The following USP19 variants were observed in gnomAD, a reference collection of about 807,000 sequenced individuals.
USP19 encodes ubiquitin carboxyl-terminal hydrolase 19.
USP19 carries 40 observed loss-of-function variants against 144.8 expected under a neutral mutation model. The observed-to-expected ratio is 0.28, with a 90% confidence interval of 0.21 to 0.36. USP19 has a LOEUF of 0.36. Ranked by LOEUF, USP19 falls within the 10% of genes least tolerant of loss-of-function variation. The pLI is 1.00. For synonymous variants in USP19, 701 were observed against 709.3 expected (o/e 0.99, Z 0.19); for missense variants, 1,518 against 1,822.5 (o/e 0.83, Z 3.04).
intron 2 of USP19, 71 bp from the exon 3 acceptor site, chr3:49,118,191 G>C (rs2044508598): frequency 3.2e-6 from 2 of 623,678 alleles, no homozygotes; most frequent in Admixed American, 3.0e-5. Flanking sequence ...CTTGAGCCCA[G>C]GACTTTGAGG....
rs2107281174 is a variant in USP19 at position 49,111,250 on chromosome 3, G to A, written c.3328+5C>T. 2 of 1,614,150 alleles carry A rather than the reference G, an allele frequency of 1.2e-6. No individual in the cohort carries two copies. The highest frequency in any genetic ancestry group is 1.7e-6 in the Non-Finnish European group (2 of 1,180,020). ...CCCATGGCTCCCACCCACAGCCTCA[G>A]ACACCTTTGTCCTCTAGCCGCTGCT... On this transcript the variant is annotated splice_donor_5th_base_variant and intron_variant, in intron 22 of 26. Coordinates refer to ENST00000417901, the MANE Select transcript of USP19 (RefSeq NM_001199161.2). This position sits in a 1 kb window ranked among gnomAD's most constrained non-coding sequence, Gnocchi z 5.9.
At chr3:49,109,253 A>T in intron 26 of USP19, 2 of 1,439,744 alleles carry the variant, frequency 1.4e-6, no homozygotes, top group Non-Finnish European at 9.2e-7. Context: ...TGAGACCCTT[A>T]GCCATGACAG....
chr3:49,109,588 A>G (rs1388796512), intron 26 of USP19, among the ~76,000 whole-genome samples: 1 of 152,178 alleles, frequency 6.6e-6, no homozygotes, highest in African/African-American at 2.4e-5. Context: ...GGATTTCTCT[A>G]AGCTTGACAG....
chr3:49,110,266 G>A lies in USP19; in HGVS notation c.3956C>T (p.Ser1319Phe), dbSNP rs1331977473. 1 of 1,605,484 alleles carries A rather than the reference G, an allele frequency of 6.2e-7. No homozygotes were observed. The highest frequency in any genetic ancestry group is 1.1e-5 in the South Asian group (1 of 90,048). ...AYVLFYRRRN[S>F]PVERPPRAGH... ...TGCCCTGGGGGGCCTCTCCACAGGA[G>A]AGTTCCGCCGGCGGTAGAAGAGTAC... The change falls in exon 26 of 27, where the codon TCT (serine) becomes TTT (phenylalanine). Residue 1319 changes from serine to phenylalanine, a missense_variant. Around this residue, in one of 5 missense-constraint regions of USP19, gnomAD observed 118 missense variants for 100.2 expected, o/e 1.18. Coordinates refer to ENST00000417901, the MANE Select transcript of USP19 (RefSeq NM_001199161.2). This position sits in a 1 kb window ranked among gnomAD's most constrained non-coding sequence, Gnocchi z 6.1.
chr3:49,112,264 G>T lies in USP19; in HGVS notation c.2765+20C>A. ...TGGAAGGTGGAAAGAAAGGGTAGGG[G>T]AGACCATGGGGGTCCTCACTGGTTG... On this transcript the variant is annotated intron_variant, in intron 19 of 26. Coordinates refer to ENST00000417901, the MANE Select transcript of USP19 (RefSeq NM_001199161.2). The surrounding 1 kb of genome is among the most constrained non-coding windows in gnomAD (Gnocchi z 4.9). 1 of 1,593,064 alleles carries T rather than the reference G, an allele frequency of 6.3e-7. No individual in the cohort carries two copies. Among genetic ancestry groups the T allele is most frequent in the African/African-American group, 1.3e-5 (1 of 74,498 alleles).
chr3:49,118,923 G>C, intron 2 of USP19, 99 bp downstream of exon 2: 1 of 1,558,342 alleles, frequency 6.4e-7, no homozygotes, highest in African/African-American at 1.4e-5. Context: ...AACCAGGACA[G>C]AGAGAAGAAC....
In USP19 at chr3:49,116,066, C is replaced by T. The variant is rs771348918; in HGVS notation, c.1452G>A (p.Leu484=). 1 of 1,603,074 alleles carries T rather than the reference C, an allele frequency of 6.2e-7. No individual in the cohort carries two copies. Among genetic ancestry groups the T allele is most frequent in the Non-Finnish European group, 8.5e-7 (1 of 1,177,238 alleles). Reference sequence around the variant, plus strand: ...GCAGACCTCGTGCAGCCGGGGCCTCCAGGCCCCCCCAGCGCTGACTCTGCC... The same window carrying T: ...GCAGACCTCGTGCAGCCGGGGCCTCTAGGCCCCCCCAGCGCTGACTCTGCC... ...RKRQSQRWGG[L]EAPAARGAVG... The change falls in exon 10 of 27, where the codon CTG becomes CTA. Residue 484 remains leucine, a synonymous_variant. Coordinates refer to ENST00000417901, the MANE Select transcript of USP19 (RefSeq NM_001199161.2). This position sits in a 1 kb window ranked among gnomAD's most constrained non-coding sequence, Gnocchi z 5.0.
In USP19 at chr3:49,117,548, G is replaced by A. The variant is rs1481295335; in HGVS notation, c.495C>T (p.Val165=). Residue 165 remains valine (V), a synonymous_variant, in exon 5 of 27, where the codon GTC becomes GTT. Transcript: ENST00000417901. This position sits in a 1 kb window ranked among gnomAD's most constrained non-coding sequence, Gnocchi z 4.4. ...RFAGGQQWGG[V]FYAEIKSSCA... is the part of the protein sequence containing the mutation. The stretch of plus-strand genomic sequence containing the variant: ...AAGAGCTTTTTATCTCAGCATAGAA[G>A]ACACCACCCCACTGCTGACCACCTG... The A allele has an allele frequency of 6.2e-7, 1 of 1,614,004 alleles. No individual in the cohort carries two copies. The highest frequency in any genetic ancestry group is 8.5e-7 in the Non-Finnish European group (1 of 1,180,042).
At position 49,116,948 on chromosome 3, in the gene USP19, T is replaced by A. The variant is rs1374559405; in HGVS notation, c.910-5A>T. The stretch of plus-strand genomic sequence containing the variant: ...AAGCTGTTCATCAGCCTCAACCTAT[T>A]AATGGCAAGATTGTGGAAAGAATCA... On this transcript the variant is annotated splice_polypyrimidine_tract_variant and splice_region_variant and intron_variant, in intron 6 of 26. Transcript: ENST00000417901. This position sits in a 1 kb window ranked among gnomAD's most constrained non-coding sequence, Gnocchi z 5.0. The A allele has an allele frequency of 1.9e-6, 3 of 1,612,676 alleles. No individual in the cohort carries two copies. Among genetic ancestry groups the A allele is most frequent in the Non-Finnish European group, 2.5e-6 (3 of 1,179,348 alleles).
chr3:49,111,115 C>T lies in USP19; in HGVS notation c.3380G>A (p.Arg1127Gln), dbSNP rs757201117. The change falls in exon 23 of 27, where the codon CGG becomes CAG. Residue 1127 changes from arginine (R) to glutamine (Q), a missense_variant. Around this residue, in one of 5 missense-constraint regions of USP19, gnomAD observed 413 missense variants for 515.8 expected, o/e 0.80. Transcript: ENST00000417901. The surrounding 1 kb of genome is among the most constrained non-coding windows in gnomAD (Gnocchi z 5.9). ...AAACTCCTGCAAGCGCTCATTGTTC[C>T]GCCAGACGAGAGCCAGGCTACAGTC... is the stretch of plus-strand genomic sequence containing the variant. ...GDDCSLALVW[R>Q]NNERLQEFVL... 25 of 1,613,720 alleles carry T rather than the reference C, an allele frequency of 1.5e-5. No homozygotes were observed. Among genetic ancestry groups the T allele is most frequent in the African/African-American group, 1.1e-4 (8 of 74,910 alleles).
rs2042644713 is a variant in USP19 at position 49,108,391 on chromosome 3, C to T, written c.*21G>A. 1.9e-6 allele frequency: 2 copies of T among 1,073,384 alleles called. No individual in the cohort carries two copies. Among genetic ancestry groups the T allele is most frequent in the Middle Eastern group, 2.1e-4 (1 of 4,732 alleles). 66.5% of individuals were successfully genotyped at this position (1,073,384 alleles called of 1,614,324 possible). A position where few individuals can be genotyped will look rare whatever the true frequency, so the allele number is the denominator to read the frequency against. On this transcript the variant is annotated 3_prime_UTR_variant, in exon 27 of 27. Coordinates refer to ENST00000417901, the MANE Select transcript of USP19 (RefSeq NM_001199161.2). The surrounding 1 kb of genome is among the most constrained non-coding windows in gnomAD (Gnocchi z 4.8). ...TGTGTGGGTGTCCCAAACCCAGTCCCCCCCATCAGCCAGGGACCTGCTAAT... is the reference window on the plus strand; with the variant it reads ...TGTGTGGGTGTCCCAAACCCAGTCCTCCCCATCAGCCAGGGACCTGCTAAT...
In USP19 at chr3:49,116,324, C is replaced by T. The variant is rs201580030; in HGVS notation, c.1311G>A (p.Pro437=). 5.4e-4 allele frequency: 875 copies of T among 1,613,890 alleles called. 2 individuals carry two copies. The highest frequency in any genetic ancestry group is 6.6e-4 in the Middle Eastern group (4 of 6,084). ...GGAAGGTGGTGTGGGGCCCACAGCC[C>T]GGGTGCAGCCTCAGGAAGTTTCCAT... is the stretch of plus-strand genomic sequence containing the variant. ...TRDGNFLRLH[P]GCGPHTTFRW... Residue 437 remains proline, a synonymous_variant, in exon 9 of 27, where the codon CCG becomes CCA. Coordinates refer to ENST00000417901, the MANE Select transcript of USP19 (RefSeq NM_001199161.2). The surrounding 1 kb of genome is among the most constrained non-coding windows in gnomAD (Gnocchi z 5.0).
Position 49,115,902 on chromosome 3 carries a change from G to T in USP19, c.1514C>A (p.Thr505Asn), listed in dbSNP as rs199766552. 2.5e-6 allele frequency: 4 copies of T among 1,574,714 alleles called. No individual in the cohort carries two copies. Among genetic ancestry groups the T allele is most frequent in the Non-Finnish European group, 3.4e-6 (4 of 1,161,576 alleles). The change falls in exon 11 of 27, where the codon ACC becomes AAC. Residue 505 changes from threonine to asparagine, a missense_variant. Transcript: ENST00000417901. The surrounding 1 kb of genome is among the most constrained non-coding windows in gnomAD (Gnocchi z 6.6). Reference sequence around the variant, plus strand: ...TCCTGGTGGGGTTGAATCCAGAGGGGTTGGACCTGTCGGCACGGCAACCTT... The same window carrying T: ...TCCTGGTGGGGTTGAATCCAGAGGGTTTGGACCTGTCGGCACGGCAACCTT... ...GAKVAVPTGP[T>N]PLDSTPPGGA... is the part of the protein sequence containing the mutation.
chr3:49,116,768 T>G lies in USP19; in HGVS notation c.1085A>C (p.Glu362Ala). The change falls in exon 7 of 27, where the codon GAG becomes GCG. Residue 362 changes from glutamate to alanine, a missense_variant. Glu to Ala is a moderately radical substitution (Grantham distance 107). Around this residue, in one of 5 missense-constraint regions of USP19, gnomAD observed 707 missense variants for 728.9 expected, o/e 0.97. Transcript: ENST00000417901. The surrounding 1 kb of genome is among the most constrained non-coding windows in gnomAD (Gnocchi z 5.0). Reference sequence around the variant, plus strand: ...AGCATCTGCTGCCACTGCCATCTCCTCCTTGGCACAGTCATCTTTCCCAGG... The same window carrying G: ...AGCATCTGCTGCCACTGCCATCTCCGCCTTGGCACAGTCATCTTTCCCAGG... ...RNPGKDDCAK[E>A]EMAVAADAAT... The G allele has an allele frequency of 6.2e-7, 1 of 1,612,082 alleles. No individual in the cohort carries two copies. Among genetic ancestry groups the G allele is most frequent in the Non-Finnish European group, 8.5e-7 (1 of 1,178,920 alleles).
chr3:49,112,728 GGGCAGTGGTGA>G lies in USP19; in HGVS notation c.2506-110_2506-100del. 6.7e-7 allele frequency: 1 copy of G among 1,500,638 alleles called. No individual in the cohort carries two copies. Among genetic ancestry groups the G allele is most frequent in the East Asian group, 2.3e-5 (1 of 42,676 alleles). The allele number at this position is 1,500,638 out of a possible 1,614,324, so 93.0% of individuals were successfully genotyped here. A position where few individuals can be genotyped will look rare whatever the true frequency, so the allele number is the denominator to read the frequency against. Reference sequence around the variant, plus strand: ...GCTTGGCCCTGCCTTGGGTCTATGTGGGCAGTGGTGAGGTCTGTAGGCCCAAATAGGCTTAT... The same window carrying G: ...GCTTGGCCCTGCCTTGGGTCTATGTGGGTCTGTAGGCCCAAATAGGCTTAT... On this transcript the variant is annotated intron_variant, in intron 17 of 26. Transcript: ENST00000417901. The surrounding 1 kb of genome is among the most constrained non-coding windows in gnomAD (Gnocchi z 4.9).
chr3:49,115,771 T>G lies in USP19; in HGVS notation c.1645A>C (p.Thr549Pro), dbSNP rs1164845787. ...TTTGGGGTTACATGCTCCATGGGTG[T>G]GCGGGTTGCCACACTGTCTAGCCCT... ...DTGLDSVATR[T>P]PMEHVTPKPE... is the part of the protein sequence containing the mutation. The change falls in exon 11 of 27, where the codon ACA becomes CCA. Residue 549 changes from threonine to proline, a missense_variant. Around this residue, in one of 5 missense-constraint regions of USP19, gnomAD observed 707 missense variants for 728.9 expected, o/e 0.97. Coordinates refer to ENST00000417901, the MANE Select transcript of USP19 (RefSeq NM_001199161.2). This position sits in a 1 kb window ranked among gnomAD's most constrained non-coding sequence, Gnocchi z 6.6. The G allele has an allele frequency of 6.2e-7, 1 of 1,613,830 alleles. No homozygotes were observed. The highest frequency in any genetic ancestry group is 1.7e-5 in the Admixed American group (1 of 60,012).
In USP19 at chr3:49,119,106, G is replaced by T; in HGVS notation, c.40C>A (p.Pro14Thr). Residue 14 changes from proline (P) to threonine (T), a missense_variant, in exon 2 of 27, where the codon CCC becomes ACC. Physicochemically the swap from Pro to Thr is conservative, Grantham distance 38. This residue lies in a region of USP19 where 707 missense variants were observed against 728.9 expected (regional missense o/e 0.97). Coordinates refer to ENST00000417901, the MANE Select transcript of USP19 (RefSeq NM_001199161.2). ...GASATGPRRG[P>T]PGLEDTTSKK... is the part of the protein sequence containing the mutation. ...CTAGTGGTGTCCTCCAGTCCTGGGGGCCCTCTCCTTGGGCCTGTGGCACTG... is the reference window on the plus strand; with the variant it reads ...CTAGTGGTGTCCTCCAGTCCTGGGGTCCCTCTCCTTGGGCCTGTGGCACTG... The T allele has an allele frequency of 6.2e-7, 1 of 1,613,798 alleles. No individual in the cohort carries two copies. The highest frequency in any genetic ancestry group is 8.5e-7 in the Non-Finnish European group (1 of 1,179,928).
chr3:49,110,762 C>G lies in USP19; in HGVS notation c.3647G>C (p.Arg1216Pro). ...GATCTTGTCACGCCAGATAAAACTA[C>G]GAAAGGAGAAGCGCTTGAGCTGCAC... The part of the protein sequence containing the change: ...LIVQLKRFSF[R>P]SFIWRDKIND... Residue 1216 changes from arginine (R) to proline (P), a missense_variant, in exon 24 of 27, where the codon CGT becomes CCT. Physicochemically the swap from Arg to Pro is moderately radical, Grantham distance 103 (BLOSUM62 -2). Transcript: ENST00000417901. This position sits in a 1 kb window ranked among gnomAD's most constrained non-coding sequence, Gnocchi z 6.1. The G allele has an allele frequency of 6.2e-7, 1 of 1,614,148 alleles. No individual in the cohort carries two copies. The highest frequency in any genetic ancestry group is 8.5e-7 in the Non-Finnish European group (1 of 1,180,050).
Position 49,116,167 on chromosome 3 carries a change from G to A in USP19, c.1356-5C>T, listed in dbSNP as rs1311200418. 3 of 1,613,876 alleles carry A rather than the reference G, an allele frequency of 1.9e-6. No individual in the cohort carries two copies. The highest frequency in any genetic ancestry group is 2.5e-6 in the Non-Finnish European group (3 of 1,179,926). On this transcript the variant is annotated splice_region_variant and splice_polypyrimidine_tract_variant and intron_variant, in intron 9 of 26. Coordinates refer to ENST00000417901, the MANE Select transcript of USP19 (RefSeq NM_001199161.2). This position sits in a 1 kb window ranked among gnomAD's most constrained non-coding sequence, Gnocchi z 5.0. ...TGCTCTGGCTCAATCAGATTCCTGT[G>A]GGAAAAGGCTGAACTCAGGGACTTA...
Sources: allele counts gnomAD v4.1 joint callset (sites outside exome capture counted in the v4.1 genomes callset), GRCh38; gene constraint gnomAD v4.1.1; regional missense constraint gnomAD v4.1.1; non-coding constraint Gnocchi (gnomAD v3.1); transcripts MANE v1.5; gene names NCBI Gene and HGNC (gene_info 2026-07-23, HGNC 2026-07-21).